Variants in DOCK4 observed in about 807,000 individuals in gnomAD.
DOCK4 encodes dedicator of cytokinesis 4, also known as dedicator of cytokinesis protein 4.
Under a neutral mutation model 268.1 loss-of-function variants are expected in DOCK4, and 97 were observed. The ratio of observed to expected loss-of-function variants is 0.36; its 90% CI spans 0.31 to 0.43. DOCK4 has a LOEUF of 0.43. Ranked by LOEUF, DOCK4 falls within the 20% of genes least tolerant of loss-of-function variation. The pLI, the probability that DOCK4 is intolerant of heterozygous loss-of-function variation, is 1.00. For synonymous variants in DOCK4, 954 were observed against 887.2 expected (o/e 1.08, Z -1.34); for missense variants, 2,145 against 2,455.7 (o/e 0.87, Z 2.67).
chr7:111,896,589 C>A (rs1808778556), intron 15 of DOCK4, among the ~76,000 whole-genome samples: 1 of 151,572 alleles, frequency 6.6e-6, no homozygotes, highest in Non-Finnish European at 1.5e-5. Context: ...CAGAGTTCTC[C>A]AGAGCCAGCA....
chr7:111,784,092 CT>C lies in DOCK4; in HGVS notation c.3428+4del. ...AAGTAGCACAATTTGCAAACAATGT[CT>C]TACCTAGGATAGGGACCAAATAGTG... On this transcript the variant is annotated splice_donor_region_variant and intron_variant, in intron 33 of 52. Coordinates refer to ENST00000428084, the MANE Select transcript of DOCK4 (RefSeq NM_001363540.2). 1 of 1,580,604 alleles carries C rather than the reference CT, an allele frequency of 6.3e-7. No homozygotes were observed. The highest frequency in any genetic ancestry group is 1.1e-5 in the South Asian group (1 of 87,364).
chr7:111,869,374 G>T, intron 21 of DOCK4, 200 bp downstream of exon 21: 1 of 534,150 alleles, frequency 1.9e-6, no homozygotes, highest in African/African-American at 1.9e-5. Flanking sequence ...ATCCTGAACA[G>T]TTTCCAGTAG....
At chr7:112,054,328 A>G (rs920477242) in intron 1 of DOCK4, among the ~76,000 whole-genome samples, 3 of 151,154 alleles carry the variant, frequency 2.0e-5, no homozygotes, top group African/African-American at 7.4e-5. Flanking sequence ...ATACTGCTCT[A>G]CAATTTCAAA....
intron 25 of DOCK4, among the ~76,000 whole-genome samples, chr7:111,835,940 T>C (rs1803204966): frequency 6.6e-6 from 1 of 152,198 alleles, no homozygotes; most frequent in Admixed American, 6.5e-5. Flanking sequence ...TAATTATCTA[T>C]ATACATTTTT....
intron 1 of DOCK4, among the ~76,000 whole-genome samples, chr7:112,187,719 A>T (rs554261179): frequency 6.6e-6 from 1 of 152,290 alleles, no homozygotes; most frequent in African/African-American, 2.4e-5. Context: ...TTTTCCAATT[A>T]GTGGAGTAAA....
intron 13 of DOCK4, among the ~76,000 whole-genome samples, chr7:111,912,449 T>G (rs956627558): frequency 6.6e-6 from 1 of 152,114 alleles, no homozygotes; most frequent in Admixed American, 6.6e-5. Context: ...CAAACACAAG[T>G]GAGGTCCTTT....
At chr7:111,772,182 C>G (rs1027759277) in intron 36 of DOCK4, among the ~76,000 whole-genome samples, 3 of 152,144 alleles carry the variant, frequency 2.0e-5, no homozygotes, top group Non-Finnish European at 2.9e-5. Context: ...GTCTCAGGTA[C>G]TCAGGAGGCT....
At chr7:111,914,803 A>C (rs1349905918) in intron 13 of DOCK4, among the ~76,000 whole-genome samples, 2 of 152,118 alleles carry the variant, frequency 1.3e-5, no homozygotes, top group African/African-American at 4.8e-5. Context: ...ATTTATTATA[A>C]TTTTCCTTAT....
chr7:111,775,506 A>C (rs184693578), intron 36 of DOCK4, among the ~76,000 whole-genome samples: 16 of 152,338 alleles, frequency 1.1e-4, no homozygotes, highest in African/African-American at 2.6e-4. Flanking sequence ...TGGACTGAGG[A>C]AAAAAACGAA....
At chr7:111,779,908 A>G (rs1798687957) in intron 35 of DOCK4, among the ~76,000 whole-genome samples, 1 of 152,260 alleles carries the variant, frequency 6.6e-6, no homozygotes, top group East Asian at 1.9e-4. Context: ...TGCTGGAGAC[A>G]CTTGAACTAC....
intron 39 of DOCK4, among the ~76,000 whole-genome samples, chr7:111,762,261 A>G (rs924194954): frequency 1.3e-5 from 2 of 152,316 alleles, no homozygotes; most frequent in African/African-American, 2.4e-5. Flanking sequence ...AAAATGTGCA[A>G]TTCAGTGGTT....
Position 111,901,707 on chromosome 7 carries a change from G to C in DOCK4, c.1287C>G (p.Phe429Leu). ...SVARNVEVTM[F>L]IVDSSGQTLK... Reference sequence around the variant, plus strand: ...GGGTTTGGCCACTACTGTCTACAATGAACATCGTAACTTCCACATTTCTGG... The same window carrying C: ...GGGTTTGGCCACTACTGTCTACAATCAACATCGTAACTTCCACATTTCTGG... Residue 429 changes from phenylalanine (F) to leucine (L), a missense_variant, in exon 14 of 53, where the codon TTC (phenylalanine) becomes TTG (leucine). This residue lies in a region of DOCK4 where 1,598 missense variants were observed against 1,986.7 expected (regional missense o/e 0.80). Transcript: ENST00000428084. 1.2e-6 allele frequency: 2 copies of C among 1,613,490 alleles called. No individual in the cohort carries two copies. Among genetic ancestry groups the C allele is most frequent in the Non-Finnish European group, 1.7e-6 (2 of 1,179,748 alleles).
intron 11 of DOCK4, among the ~76,000 whole-genome samples, chr7:111,936,770 G>T (rs1332082522): frequency 6.6e-6 from 1 of 152,176 alleles, no homozygotes; most frequent in Non-Finnish European, 1.5e-5. Flanking sequence ...GTTTCCTAGT[G>T]ATCAAGTCTG....
chr7:112,157,431 G>T (rs960716677), intron 1 of DOCK4, among the ~76,000 whole-genome samples: 6 of 152,276 alleles, frequency 3.9e-5, no homozygotes, highest in African/African-American at 7.2e-5. Flanking sequence ...AGGGTTAAAA[G>T]AAAGCACCAC....
At chr7:112,053,105 A>T (rs1246124242) in intron 1 of DOCK4, among the ~76,000 whole-genome samples, 1 of 152,162 alleles carries the variant, frequency 6.6e-6, no homozygotes, top group Non-Finnish European at 1.5e-5. Flanking sequence ...ACCATTGAAA[A>T]CCTGGAGCTA....
chr7:111,846,594 C>T (rs1004613383), intron 24 of DOCK4, among the ~76,000 whole-genome samples: 6 of 150,512 alleles, frequency 4.0e-5, no homozygotes, highest in African/African-American at 1.3e-4. Flanking sequence ...CCAGGGGACC[C>T]GGCCCAAGGA....
At chr7:111,897,765 T>C (rs1808883269) in intron 15 of DOCK4, among the ~76,000 whole-genome samples, 1 of 152,204 alleles carries the variant, frequency 6.6e-6, no homozygotes, top group African/African-American at 2.4e-5. Flanking sequence ...AACTGCCCAC[T>C]TGACATCTTG....
chr7:111,976,570 C>A (rs1251945087), intron 8 of DOCK4: 1 of 151,596 alleles, frequency 6.6e-6, no homozygotes, highest in Non-Finnish European at 1.5e-5. Context: ...TATATCTTTT[C>A]TAAATACTGA....
intron 8 of DOCK4, among the ~76,000 whole-genome samples, chr7:111,952,443 A>G (rs1016364622): frequency 3.9e-5 from 6 of 152,164 alleles, no homozygotes; most frequent in African/African-American, 1.4e-4. Context: ...TCAGTTGGGA[A>G]GGCCAATATC....
Sources: gnomAD v4.1 joint callset for allele counts (sites outside exome capture counted in the v4.1 genomes callset) on GRCh38, gnomAD v4.1.1 for gene constraint, gnomAD v4.1.1 regional missense constraint, MANE v1.5 for transcripts, NCBI Gene and HGNC (gene_info 2026-07-23, HGNC 2026-07-21) for gene names.